SLC2A3: variants seen among roughly 807,000 people sequenced by gnomAD.
SLC2A3 encodes solute carrier family 2, facilitated glucose transporter member 3.
SLC2A3 carries 21 observed loss-of-function variants against 46.4 expected under a neutral mutation model. The observed-to-expected ratio is 0.45, with a 90% CI of 0.32 to 0.65. The LOEUF is 0.65. SLC2A3 is among the 30% of genes least tolerant of loss of function. The pLI is 0.04. For synonymous variants in SLC2A3, 213 were observed against 239.4 expected (o/e 0.89, Z 1.02); for missense variants, 499 against 623.3 (o/e 0.80, Z 2.12).
chr12:7,922,356 T>C (rs1421307932), intron 9 of SLC2A3, among the ~76,000 whole-genome samples: 1 of 152,178 alleles, frequency 6.6e-6, no homozygotes, highest in Non-Finnish European at 1.5e-5. Flanking sequence ...TGAGCCACTG[T>C]GTCTGGCCGC....
At position 7,922,947 on chromosome 12, in the gene SLC2A3, G is replaced by T; in HGVS notation, c.1146C>A (p.Gly382=). 6 of 1,614,118 alleles carry T rather than the reference G, an allele frequency of 3.7e-6. No individual in the cohort carries two copies. Among genetic ancestry groups the T allele is most frequent in the South Asian group, 1.1e-5 (1 of 91,070 alleles). Residue 382 remains glycine (G), a synonymous_variant, in exon 9 of 10, where the codon GGC becomes GGA. Coordinates refer to ENST00000075120, the MANE Select transcript of SLC2A3 (RefSeq NM_006931.3). ...VFVAFFEIGP[G]PIPWFIVAEL... ...CGGCCACAATAAACCAGGGAATGGG[G>T]CCTGGTCCAATTTCAAAGAAGGCTA...
chr12:7,931,085 A>C lies in SLC2A3; in HGVS notation c.510+160T>G, dbSNP rs113121805. Among the ~76,000 whole-genome samples, 164 of 152,178 alleles carry C rather than the reference A, an allele frequency of 1.1e-3. 2 individuals carry two copies. The highest frequency in any genetic ancestry group is 0.01 in the Middle Eastern group (3 of 294). On this transcript the variant is annotated intron_variant, in intron 4 of 9. Transcript: ENST00000075120. ...TGCTGGGATTACAGGCGTGAGCCACAGCGCCCGGCCTCAGCCTGCTTCTTC... is the reference window on the plus strand; with the variant it reads ...TGCTGGGATTACAGGCGTGAGCCACCGCGCCCGGCCTCAGCCTGCTTCTTC...
intron 6 of SLC2A3, among the ~76,000 whole-genome samples, chr12:7,929,160 A>C (rs1471096375): frequency 6.6e-6 from 1 of 152,134 alleles, no homozygotes; most frequent in African/African-American, 2.4e-5. Flanking sequence ...GACTATCTGA[A>C]AACCCTTAGG....
chr12:7,936,144 A>C lies in SLC2A3; in HGVS notation c.-110T>G. 1 of 894,902 alleles carries C rather than the reference A, an allele frequency of 1.1e-6. No homozygotes were observed. The highest frequency in any genetic ancestry group is 2.4e-5 in the East Asian group (1 of 41,700). The allele number at this position is 894,902 out of a possible 1,614,324, so 55.4% of individuals were successfully genotyped here. On this transcript the variant is annotated 5_prime_UTR_variant, in exon 1 of 10. Coordinates refer to ENST00000075120, the MANE Select transcript of SLC2A3 (RefSeq NM_006931.3). The stretch of plus-strand genomic sequence containing the variant: ...TCCTTCTCAGCAGCAAGTTTTCTCC[A>C]CGTCCTCAGGAAGGATCCAAAGTCT...
rs12842 is a variant in SLC2A3 at position 7,919,412 on chromosome 12, T to C, written c.*2001A>G. Reference sequence around the variant, plus strand: ...TCACCTTTTCAAGCTAAAGCACACTTGATAGCTATGTGCATTTTTTTTTTT... The same window carrying C: ...TCACCTTTTCAAGCTAAAGCACACTCGATAGCTATGTGCATTTTTTTTTTT... On this transcript the variant is annotated 3_prime_UTR_variant, in exon 10 of 10. Transcript: ENST00000075120. 134,695 of 151,972 alleles carry C rather than the reference T, an allele frequency of 0.89. 59,765 individuals are homozygous for C. Among genetic ancestry groups the C allele is most frequent in the East Asian group, 0.97 (5,009 of 5,172 alleles). 9.4% of individuals were successfully genotyped at this position (151,972 alleles called of 1,614,324 possible). A position where few individuals can be genotyped will look rare whatever the true frequency, so the allele number is the denominator to read the frequency against.
chr12:7,924,051 AG>A (rs1260658925), intron 8 of SLC2A3, among the ~76,000 whole-genome samples: 1 of 152,040 alleles, frequency 6.6e-6, no homozygotes, highest in Non-Finnish European at 1.5e-5. Context: ...TACAGGCGTG[AG>A]CCACCGCGCC....
chr12:7,919,452 C>T lies in SLC2A3; in HGVS notation c.*1961G>A, dbSNP rs192262122. On this transcript the variant is annotated 3_prime_UTR_variant, in exon 10 of 10. Transcript: ENST00000075120. ...TTTTTTTTTTTTTGAGACGGAGTCT[C>T]GCCCTGTGGCCCAGGCTAGAGTGCA... The T allele has an allele frequency of 6.6e-6, 1 of 151,596 alleles. No homozygotes were observed. The highest frequency in any genetic ancestry group is 1.9e-4 in the East Asian group (1 of 5,170). 9.4% of individuals were successfully genotyped at this position (151,596 alleles called of 1,614,324 possible).
At chr12:7,931,543 CCT>C (rs879368359) in intron 3 of SLC2A3, 58 bp from the exon 4 acceptor site, 3 of 1,605,142 alleles carry the variant, frequency 1.9e-6, no homozygotes, top group Non-Finnish European at 2.6e-6. Context: ...CCTAACTTCT[CCT>C]CTGTCCTCAT....
chr12:7,929,606 A>G, intron 6 of SLC2A3, 78 bp downstream of exon 6: 1 of 1,557,364 alleles, frequency 6.4e-7, no homozygotes, highest in African/African-American at 1.3e-5. Context: ...CTGGGACTAC[A>G]GAGGCACACC....
intron 9 of SLC2A3, among the ~76,000 whole-genome samples, chr12:7,922,026 ATTTT>A (rs201816919): frequency 0.044 from 6,428 of 147,366 alleles, 360 homozygotes; most frequent in East Asian, 0.23. Context: ...CTATTTATGA[ATTTT>A]TTTTTTTTTG....
Position 7,924,468 on chromosome 12 carries a change from A to G in SLC2A3, c.1010T>C (p.Ile337Thr). The change falls in exon 8 of 10, where the codon ATA becomes ACA. Residue 337 changes from isoleucine (I) to threonine (T), a missense_variant. Physicochemically the swap from Ile to Thr is moderately conservative, Grantham distance 89. This residue lies in a region of SLC2A3 where 2 missense variants were observed against 22.9 expected (regional missense o/e 0.09). Coordinates refer to ENST00000075120, the MANE Select transcript of SLC2A3 (RefSeq NM_006931.3). ...ERAGRRTLHM[I>T]GLGGMAFCST... ...ACAAAAAGCCATCCCTCCAAGGCCTATCATATGCAGAGTCCTTCTTCCTGC... is the reference window on the plus strand; with the variant it reads ...ACAAAAAGCCATCCCTCCAAGGCCTGTCATATGCAGAGTCCTTCTTCCTGC... The G allele has an allele frequency of 6.2e-7, 1 of 1,609,706 alleles. No homozygotes were observed. Among genetic ancestry groups the G allele is most frequent in the Non-Finnish European group, 8.5e-7 (1 of 1,179,004 alleles).
chr12:7,930,580 G>T lies in SLC2A3; in HGVS notation c.573C>A (p.Thr191=). 6.2e-7 allele frequency: 1 copy of T among 1,613,906 alleles called. No individual in the cohort carries two copies. Among genetic ancestry groups the T allele is most frequent in the Non-Finnish European group, 8.5e-7 (1 of 1,179,938 alleles). The change falls in exon 5 of 10, where the codon ACC becomes ACA. Residue 191 remains threonine, a synonymous_variant. Coordinates refer to ENST00000075120, the MANE Select transcript of SLC2A3 (RefSeq NM_006931.3). ...EELWPLLLGF[T]ILPAILQSAA... Reference sequence around the variant, plus strand: ...CACTTTGTAGGATAGCAGGAAGGATGGTAAAACCCAGTAGCAGCGGCCATA... The same window carrying T: ...CACTTTGTAGGATAGCAGGAAGGATTGTAAAACCCAGTAGCAGCGGCCATA...
At chr12:7,929,466 C>G in intron 6 of SLC2A3, 281 of 516,760 alleles carry the variant, frequency 5.4e-4, no homozygotes, top group East Asian at 6.4e-4. Context: ...TTTTTTTTTT[C>G]CTTTTTTTAA....
At chr12:7,922,766 G>A (rs1162686903) in intron 9 of SLC2A3, 55 bp downstream of exon 9, 1 of 1,608,198 alleles carries the variant, frequency 6.2e-7, no homozygotes, top group Non-Finnish European at 8.5e-7. Context: ...TTATTAAGGA[G>A]TATCTTCATG....
chr12:7,933,098 G>A lies in SLC2A3; in HGVS notation c.158C>T (p.Pro53Leu), dbSNP rs776821536. Reference protein sequence around the residue: ...NKTLTDKGNAPPSEVLLTSLW... With the variant: ...NKTLTDKGNALPSEVLLTSLW... ...AGACGTGAGCAGCACCTCAGAGGGT[G>A]GGGCATTTCCCTTGTCCGTCAAAGT... The change falls in exon 3 of 10, where the codon CCA (proline) becomes CTA (leucine). Residue 53 changes from proline (P) to leucine (L), a missense_variant. Coordinates refer to ENST00000075120, the MANE Select transcript of SLC2A3 (RefSeq NM_006931.3). 3 of 1,614,074 alleles carry A rather than the reference G, an allele frequency of 1.9e-6. No individual in the cohort carries two copies. Among genetic ancestry groups the A allele is most frequent in the Non-Finnish European group, 1.7e-6 (2 of 1,180,002 alleles).
intron 1 of SLC2A3, 62 bp downstream of exon 1, chr12:7,935,958 T>C: frequency 3.1e-6 from 4 of 1,304,524 alleles, no homozygotes; most frequent in Non-Finnish European, 4.5e-6. Flanking sequence ...TTACCATTAA[T>C]ATTTGCCTTT....
At chr12:7,931,976 G>C (rs1478092344) in intron 3 of SLC2A3, among the ~76,000 whole-genome samples, 1 of 150,666 alleles carries the variant, frequency 6.6e-6, no homozygotes, top group Non-Finnish European at 1.5e-5. Flanking sequence ...GCGCCTCCCA[G>C]GCTCAAGAGA....
intron 6 of SLC2A3, among the ~76,000 whole-genome samples, chr12:7,928,831 G>GT (rs3216511): frequency 1.6e-4 from 24 of 149,428 alleles, no homozygotes; most frequent in African/African-American, 3.7e-4. Context: ...TTCCTCCCAA[G>GT]TTTTTTTTTT....
At chr12:7,923,859 C>A (rs1403948217) in intron 8 of SLC2A3, among the ~76,000 whole-genome samples, 1 of 151,098 alleles carries the variant, frequency 6.6e-6, no homozygotes, top group Non-Finnish European at 1.5e-5. Flanking sequence ...ACCTCTGCCT[C>A]CTGGGTTCAA....
Sources: gnomAD v4.1 joint callset for allele counts (sites outside exome capture counted in the v4.1 genomes callset) on GRCh38, gnomAD v4.1.1 for gene constraint, gnomAD v4.1.1 regional missense constraint, MANE v1.5 for transcripts, NCBI Gene and HGNC (gene_info 2026-07-23, HGNC 2026-07-21) for gene names.